REEP3: variants seen among roughly 807,000 people sequenced by gnomAD.
REEP3 encodes receptor accessory protein 3, also known as receptor expression-enhancing protein 3.
In REEP3, 20 loss-of-function variants were observed where a neutral mutation model predicts 41.3. The ratio of observed to expected loss-of-function variants is 0.48; its 90% CI spans 0.34 to 0.70. REEP3 has a LOEUF of 0.70. Among genes scored for constraint, REEP3 ranks in the 30% least tolerant of loss-of-function variants. The pLI is 0.01. For missense variants in REEP3, 271 were observed against 308.8 expected, an observed-to-expected ratio of 0.88 and a Z score of 0.92; for synonymous variants, 104 against 101.8, an observed-to-expected ratio of 1.02 and a Z score of -0.13.
chr10:63,589,590 A>G (rs926975554), intron 2 of REEP3, among the ~76,000 whole-genome samples: 2 of 151,616 alleles, frequency 1.3e-5, no homozygotes, highest in African/African-American at 2.4e-5. Context: ...TTCCTCCCCT[A>G]CCTCCTTCTC....
chr10:63,606,012 C>T lies in REEP3; in HGVS notation c.418-4175C>T, dbSNP rs968923417. The T allele has an allele frequency of 2.9e-5, 12 of 413,394 alleles. No individual in the cohort carries two copies. The South Asian group carries it at 4.0e-4, about 14-fold the overall frequency. The allele number at this position is 413,394 out of a possible 1,614,324, so 25.6% of individuals were successfully genotyped here. On this transcript the variant is annotated intron_variant, in intron 5 of 7. Transcript: ENST00000373758. ...GATGGTTCAGAAACAGTTCTGCTCA[C>T]GATGATCAGTTTCAATGTGTAAAAT...
chr10:63,590,177 A>G (rs1956047985), intron 2 of REEP3, among the ~76,000 whole-genome samples: 1 of 152,122 alleles, frequency 6.6e-6, no homozygotes, highest in Non-Finnish European at 1.5e-5. Flanking sequence ...GCAGTTCTCC[A>G]CCTCAGCTTC....
chr10:63,534,354 G>T (rs1246017175), intron 1 of REEP3, among the ~76,000 whole-genome samples: 3 of 151,956 alleles, frequency 2.0e-5, no homozygotes, highest in South Asian at 4.1e-4. Context: ...GGGCTCCAGC[G>T]ATCTTCCTGC....
At chr10:63,558,866 A>G (rs1955714915) in intron 1 of REEP3, among the ~76,000 whole-genome samples, 1 of 152,134 alleles carries the variant, frequency 6.6e-6, no homozygotes, top group Non-Finnish European at 1.5e-5. Context: ...AGCTTGGGAC[A>G]TGTCTTCCAT....
intron 2 of REEP3, among the ~76,000 whole-genome samples, chr10:63,584,489 C>T (rs1427454885): frequency 6.8e-6 from 1 of 146,176 alleles, no homozygotes; most frequent in Non-Finnish European, 1.5e-5. Context: ...TTGGATTTAA[C>T]TTCAAATAGC....
rs1253557839 is a variant in REEP3, at chr10:63,531,235, T to G, written c.32+9658T>G. Among the ~76,000 whole-genome samples, 4 of 152,260 alleles carry G rather than the reference T, an allele frequency of 2.6e-5. No homozygotes were observed. The East Asian group carries it at 7.7e-4, about 29-fold the overall frequency. ...CTAACGTTAGAATGTTATATAGCCA[T>G]TCATAATTATTTTCAAAGTACTTTT... On this transcript the variant is annotated intron_variant, in intron 1 of 7. Transcript: ENST00000373758.
intron 1 of REEP3, among the ~76,000 whole-genome samples, chr10:63,556,241 A>G (rs1352716317): frequency 2.6e-5 from 4 of 151,876 alleles, no homozygotes; most frequent in Non-Finnish European, 5.9e-5. Flanking sequence ...TCAGCCTCCC[A>G]AGTAGCTGGG....
At chr10:63,589,329 C>T (rs373383784) in intron 2 of REEP3, among the ~76,000 whole-genome samples, 2 of 152,280 alleles carry the variant, frequency 1.3e-5, no homozygotes, top group South Asian at 4.1e-4. Flanking sequence ...ATTTTCCCCT[C>T]CAGTGGAGCT....
At chr10:63,585,297 A>G (rs1227227816) in intron 2 of REEP3, among the ~76,000 whole-genome samples, 2 of 152,154 alleles carry the variant, frequency 1.3e-5, no homozygotes, top group Admixed American at 1.3e-4. Flanking sequence ...TGTTACATAA[A>G]CCAACCATAT....
In REEP3 at chr10:63,535,944, T is replaced by C. The variant is rs554063574; in HGVS notation, c.32+14367T>C. On this transcript the variant is annotated intron_variant, in intron 1 of 7. Coordinates refer to ENST00000373758, the MANE Select transcript of REEP3 (RefSeq NM_001001330.3). ...TGGTAGAGAAGAATTTTTCAGACCC[T>C]ACAACAAACCATAGAGGAAGCAACA... is the stretch of plus-strand genomic sequence containing the variant. Among the ~76,000 whole-genome samples the C allele has an allele frequency of 2.0e-5, 3 of 152,322 alleles. No individual in the cohort carries two copies. The South Asian group carries it at 6.2e-4, about 32-fold the overall frequency.
intron 1 of REEP3, among the ~76,000 whole-genome samples, chr10:63,546,268 G>A (rs1437214579): frequency 2.0e-5 from 3 of 152,194 alleles, no homozygotes; most frequent in Admixed American, 2.0e-4. Flanking sequence ...AACGAGTTAA[G>A]AGGCTGTATT....
At chr10:63,528,817 T>TA (rs1955391243) in intron 1 of REEP3, among the ~76,000 whole-genome samples, 1 of 152,220 alleles carries the variant, frequency 6.6e-6, no homozygotes, top group Admixed American at 6.5e-5. Flanking sequence ...TTCCCACAGA[T>TA]ACCCTCCTGC....
intron 1 of REEP3, among the ~76,000 whole-genome samples, chr10:63,551,498 G>A (rs1024241929): frequency 6.6e-6 from 1 of 152,086 alleles, no homozygotes; most frequent in Non-Finnish European, 1.5e-5. Context: ...GCCAAAAAAC[G>A]TGGTATGTAA....
intron 4 of REEP3, 145 bp from the exon 5 acceptor site, chr10:63,599,025 A>C (rs1956146656): frequency 1.8e-6 from 1 of 549,146 alleles, no homozygotes; most frequent in African/African-American, 2.0e-5. Flanking sequence ...CTCTCTCAAA[A>C]AAAAGAAAAG....
intron 1 of REEP3, among the ~76,000 whole-genome samples, chr10:63,534,620 T>C (rs1176146297): frequency 2.6e-5 from 4 of 152,240 alleles, no homozygotes; most frequent in African/African-American, 7.2e-5. Context: ...AAGTTTAAGA[T>C]ACAGATGTAT....
At chr10:63,601,957 T>TAATA (rs1956175516) in intron 5 of REEP3, among the ~76,000 whole-genome samples, 1 of 151,234 alleles carries the variant, frequency 6.6e-6, no homozygotes, top group Non-Finnish European at 1.5e-5. Flanking sequence ...AAATAAATAA[T>TAATA]AAAAAATAAA....
chr10:63,621,729 A>C lies in REEP3; in HGVS notation c.*860A>C, dbSNP rs988466371. 2.0e-5 allele frequency: 3 copies of C among 152,408 alleles called. No homozygotes were observed. Among genetic ancestry groups the C allele is most frequent in the African/African-American group, 7.2e-5 (3 of 41,470 alleles). 9.4% of individuals were successfully genotyped at this position (152,408 alleles called of 1,614,324 possible). Reference sequence around the variant, plus strand: ...TAGCTATACAGAGTAATTGAACTTAACATGTTTTTGTCAACACCAATTACA... The same window carrying C: ...TAGCTATACAGAGTAATTGAACTTACCATGTTTTTGTCAACACCAATTACA... On this transcript the variant is annotated 3_prime_UTR_variant, in exon 8 of 8. Transcript: ENST00000373758.
chr10:63,549,159 A>G (rs1955604829), intron 1 of REEP3, among the ~76,000 whole-genome samples: 1 of 152,240 alleles, frequency 6.6e-6, no homozygotes, highest in African/African-American at 2.4e-5. Flanking sequence ...AAAAAGCAAC[A>G]CCAAGGACTG....
intron 2 of REEP3, among the ~76,000 whole-genome samples, chr10:63,585,480 T>G (rs962740298): frequency 1.3e-5 from 2 of 152,178 alleles, no homozygotes; most frequent in Non-Finnish European, 2.9e-5. Context: ...AATCAGACAT[T>G]GTGCTGGTAA....
Sources: gnomAD v4.1 joint callset for allele counts (sites outside exome capture counted in the v4.1 genomes callset) on GRCh38, gnomAD v4.1.1 for gene constraint, MANE v1.5 for transcripts, NCBI Gene and HGNC (gene_info 2026-07-23, HGNC 2026-07-21) for gene names.